Variants in KCNK13 observed in about 807,000 individuals in gnomAD.
KCNK13 encodes potassium two pore domain channel subfamily K member 13.
A neutral mutation model predicts 23.4 loss-of-function variants in KCNK13; 12 were observed. The observed-to-expected ratio is 0.51, with a 90% CI of 0.33 to 0.83. The LOEUF is 0.83. KCNK13 is among the 40% of genes least tolerant of loss of function. KCNK13 has a pLI of 0.02. For synonymous variants in KCNK13, 231 were observed against 229.5 expected (o/e 1.01, Z -0.06); for missense variants, 463 against 556.3 (o/e 0.83, Z 1.69).
intron 1 of KCNK13, among the ~76,000 whole-genome samples, chr14:90,103,478 G>C (rs1889505794): frequency 6.6e-6 from 1 of 152,096 alleles, no homozygotes; most frequent in South Asian, 2.1e-4. Flanking sequence ...TTTTATCTAG[G>C]ACCTTTTCCC....
intron 1 of KCNK13, among the ~76,000 whole-genome samples, chr14:90,099,033 C>T (rs116811923): frequency 0.012 from 1,871 of 152,050 alleles, 37 homozygotes; most frequent in African/African-American, 0.044. Context: ...GCCGAGAGTG[C>T]GCCTGCACTC....
intron 1 of KCNK13, among the ~76,000 whole-genome samples, chr14:90,068,037 C>T (rs1419000804): frequency 4.6e-5 from 7 of 152,138 alleles, no homozygotes; most frequent in Admixed American, 1.3e-4. Flanking sequence ...TGCCCCAGCG[C>T]TTCAGGCCTC....
intron 1 of KCNK13, chr14:90,107,930 C>G: frequency 1.3e-6 from 1 of 746,684 alleles, no homozygotes; most frequent in Non-Finnish European, 2.5e-6. Context: ...ATGCAGTGAT[C>G]TAGTCACTAT....
intron 1 of KCNK13, among the ~76,000 whole-genome samples, chr14:90,127,155 C>G (rs1889810715): frequency 6.6e-6 from 1 of 152,096 alleles, no homozygotes; most frequent in Admixed American, 6.5e-5. Flanking sequence ...ACAGGGCAAA[C>G]TGAGTGCAGG....
chr14:90,123,038 G>T (rs763324047), intron 1 of KCNK13, among the ~76,000 whole-genome samples: 1 of 152,156 alleles, frequency 6.6e-6, no homozygotes, highest in African/African-American at 2.4e-5. Flanking sequence ...TAAGCCCAGG[G>T]TCACAGCTGC....
intron 1 of KCNK13, among the ~76,000 whole-genome samples, chr14:90,167,407 C>G (rs145253203): frequency 6.6e-6 from 1 of 152,298 alleles, no homozygotes; most frequent in Non-Finnish European, 1.5e-5. Flanking sequence ...ACTTAATTGC[C>G]AGTCCTCCTT....
chr14:90,170,193 A>C (rs1890348699), intron 1 of KCNK13, among the ~76,000 whole-genome samples: 1 of 152,142 alleles, frequency 6.6e-6, no homozygotes, highest in Non-Finnish European at 1.5e-5. Flanking sequence ...TCAAAAAAAA[A>C]AATTACAAGC....
At chr14:90,137,858 T>A (rs1461203167) in intron 1 of KCNK13, among the ~76,000 whole-genome samples, 2 of 152,224 alleles carry the variant, frequency 1.3e-5, no homozygotes, top group Admixed American at 6.5e-5. Context: ...AAAAAGGCTG[T>A]AGCTTCTTAT....
intron 1 of KCNK13, among the ~76,000 whole-genome samples, chr14:90,105,648 AGTT>A (rs776803025): frequency 1.3e-5 from 2 of 151,864 alleles, no homozygotes; most frequent in Non-Finnish European, 2.9e-5. Context: ...AAATCAAGGA[AGTT>A]GTTTTTTTTT....
Position 90,071,814 on chromosome 14 carries a change from C to T in KCNK13, c.334+9275C>T, listed in dbSNP as rs147860466. Among the ~76,000 whole-genome samples the T allele has an allele frequency of 1.5e-3, 223 of 152,006 alleles. 1 individual carries two copies. Among genetic ancestry groups the T allele is most frequent in the African/African-American group, 5.2e-3 (215 of 41,440 alleles). ...TGGGGAGGCTGAGGCAGGAGAATCA[C>T]TTGAACCTGGAAGGCGGAAGTTGCA... On this transcript the variant is annotated intron_variant, in intron 1 of 1. Coordinates refer to ENST00000282146, the MANE Select transcript of KCNK13 (RefSeq NM_022054.4).
chr14:90,106,904 A>C (rs183571136), intron 1 of KCNK13, among the ~76,000 whole-genome samples: 1 of 151,812 alleles, frequency 6.6e-6, no homozygotes, highest in Non-Finnish European at 1.5e-5. Context: ...CGCCTAGTCC[A>C]AGCTACTCCA....
chr14:90,138,426 A>G (rs1889963904), intron 1 of KCNK13, among the ~76,000 whole-genome samples: 1 of 152,204 alleles, frequency 6.6e-6, no homozygotes, highest in South Asian at 2.1e-4. Context: ...TGCTGATGTC[A>G]TATGGTTGAT....
chr14:90,075,900 C>T (rs1009175096), intron 1 of KCNK13, among the ~76,000 whole-genome samples: 1 of 152,222 alleles, frequency 6.6e-6, no homozygotes, highest in African/African-American at 2.4e-5. Flanking sequence ...TCAAGCTTTG[C>T]TTGTGCCTTC....
intron 1 of KCNK13, among the ~76,000 whole-genome samples, chr14:90,122,305 G>C (rs1452489860): frequency 6.8e-6 from 1 of 146,702 alleles, no homozygotes; most frequent in Non-Finnish European, 1.5e-5. Flanking sequence ...ATATTTTAAA[G>C]ACTTTTCACC....
intron 1 of KCNK13, among the ~76,000 whole-genome samples, chr14:90,170,733 G>A (rs1367987688): frequency 6.6e-6 from 1 of 152,138 alleles, no homozygotes; most frequent in East Asian, 1.9e-4. Flanking sequence ...ATAAGATGAC[G>A]TAAACAAATG....
intron 1 of KCNK13, among the ~76,000 whole-genome samples, chr14:90,105,945 A>G (rs896880949): frequency 6.6e-6 from 1 of 152,232 alleles, no homozygotes; most frequent in African/African-American, 2.4e-5. Flanking sequence ...GGAGCCCTCC[A>G]GAGACTTGGG....
chr14:90,100,216 A>G (rs1889458382), intron 1 of KCNK13, among the ~76,000 whole-genome samples: 1 of 152,178 alleles, frequency 6.6e-6, no homozygotes, highest in Non-Finnish European at 1.5e-5. Context: ...ATGAAACTAA[A>G]AATATCTTCA....
chr14:90,159,947 GT>G (rs1296545197), intron 1 of KCNK13, among the ~76,000 whole-genome samples: 46 of 4,072 alleles, frequency 0.011, 1 homozygote, highest in Admixed American at 0.067. Context: ...GTGTGTAGGG[GT>G]GTGTGTGTGT....
At chr14:90,160,549 AT>A (rs761638562) in intron 1 of KCNK13, among the ~76,000 whole-genome samples, 1 of 151,880 alleles carries the variant, frequency 6.6e-6, no homozygotes, top group Non-Finnish European at 1.5e-5. Context: ...GGAAATGTTA[AT>A]TTTTTTTCTA....
Sources: allele counts gnomAD v4.1 joint callset (sites outside exome capture counted in the v4.1 genomes callset), GRCh38; gene constraint gnomAD v4.1.1; transcripts MANE v1.5; gene names NCBI Gene and HGNC (gene_info 2026-07-23, HGNC 2026-07-21).